GRID1: variants seen among roughly 807,000 people sequenced by gnomAD.
GRID1 encodes glutamate receptor ionotropic, delta-1.
Under a neutral mutation model 98.0 loss-of-function variants are expected in GRID1, and 28 were observed. The observed-to-expected ratio is 0.29, with a 90% CI of 0.21 to 0.39. GRID1 has a LOEUF of 0.39. Among genes scored for constraint, GRID1 ranks in the 10% least tolerant of loss-of-function variants. The probability of loss-of-function intolerance (pLI) is 1.00; values close to 1 mark genes in which losing one functional copy is unlikely to be tolerated. For synonymous variants in GRID1, 553 were observed against 538.5 expected (o/e 1.03, Z -0.37); for missense variants, 1,111 against 1,340.5 (o/e 0.83, Z 2.67).
chr10:86,302,726 A>G (rs1452759040), intron 2 of GRID1, among the ~76,000 whole-genome samples: 1 of 152,216 alleles, frequency 6.6e-6, no homozygotes, highest in African/African-American at 2.4e-5. Flanking sequence ...GAAACATTCT[A>G]CAGGACAACT....
Position 85,599,844 on chromosome 10 carries a change from T to C in GRID1, c.*2429A>G, listed in dbSNP as rs1285336836. ...ATAAACATGGTGAAGAATAACACCATGAGGTGTTAAGGATTTTGTATAAGC... is the reference window on the plus strand; with the variant it reads ...ATAAACATGGTGAAGAATAACACCACGAGGTGTTAAGGATTTTGTATAAGC... On this transcript the variant is annotated 3_prime_UTR_variant, in exon 16 of 16. Coordinates refer to ENST00000327946, the MANE Select transcript of GRID1 (RefSeq NM_017551.3). The C allele has an allele frequency of 7.9e-6, 1 of 127,386 alleles. No homozygotes were observed. Among genetic ancestry groups the C allele is most frequent in the African/African-American group, 3.2e-5 (1 of 31,262 alleles). The allele number at this position is 127,386 out of a possible 1,614,324, so 7.9% of individuals were successfully genotyped here. A position where few individuals can be genotyped will look rare whatever the true frequency, so the allele number is the denominator to read the frequency against.
At chr10:85,657,306 G>GT (rs939974321) in intron 12 of GRID1, among the ~76,000 whole-genome samples, 1 of 152,086 alleles carries the variant, frequency 6.6e-6, no homozygotes, top group Admixed American at 6.6e-5. Context: ...TTGGCTGTTT[G>GT]TTTTTTTGCT....
intron 2 of GRID1, among the ~76,000 whole-genome samples, chr10:86,285,982 G>C (rs773616430): frequency 6.6e-6 from 1 of 152,122 alleles, no homozygotes; most frequent in Non-Finnish European, 1.5e-5. Flanking sequence ...GTGGGTTTAG[G>C]TCTAGAAATT....
At chr10:86,030,564 C>A (rs1293778662) in intron 4 of GRID1, among the ~76,000 whole-genome samples, 1 of 152,206 alleles carries the variant, frequency 6.6e-6, no homozygotes, top group Non-Finnish European at 1.5e-5. Context: ...ACCCTTAGAT[C>A]AACCCCAGGA....
intron 4 of GRID1, among the ~76,000 whole-genome samples, chr10:85,995,223 C>T (rs1842726183): frequency 6.6e-6 from 1 of 152,272 alleles, no homozygotes; most frequent in African/African-American, 2.4e-5. Context: ...TATCACTAGT[C>T]GTGGAACTTT....
chr10:86,230,674 A>C (rs1846437225), intron 2 of GRID1, among the ~76,000 whole-genome samples: 1 of 152,148 alleles, frequency 6.6e-6, no homozygotes, highest in Non-Finnish European at 1.5e-5. Context: ...TATGTGCATA[A>C]GTCTCCTCTG....
At chr10:86,343,498 T>C (rs1848339756) in intron 2 of GRID1, among the ~76,000 whole-genome samples, 1 of 152,240 alleles carries the variant, frequency 6.6e-6, no homozygotes, top group Admixed American at 6.5e-5. Flanking sequence ...AACACATAGG[T>C]ACCATCGCTC....
intron 4 of GRID1, among the ~76,000 whole-genome samples, chr10:86,000,080 T>C (rs1194273035): frequency 1.3e-5 from 2 of 152,196 alleles, no homozygotes; most frequent in Non-Finnish European, 2.9e-5. Context: ...AAAACCTCAA[T>C]TAACTTACAA....
At chr10:85,873,489 T>G (rs994653928) in intron 5 of GRID1, among the ~76,000 whole-genome samples, 1 of 152,242 alleles carries the variant, frequency 6.6e-6, no homozygotes, top group Non-Finnish European at 1.5e-5. Context: ...ATATATCTTA[T>G]GTACAAACAT....
chr10:85,732,786 CTT>C (rs1841840088), intron 8 of GRID1, among the ~76,000 whole-genome samples: 1 of 152,166 alleles, frequency 6.6e-6, no homozygotes, highest in Non-Finnish European at 1.5e-5. Flanking sequence ...AATCCTAAGA[CTT>C]TTCAGCTTGG....
chr10:85,884,900 A>C (rs1295269762), intron 5 of GRID1, among the ~76,000 whole-genome samples: 1 of 152,220 alleles, frequency 6.6e-6, no homozygotes, highest in Non-Finnish European at 1.5e-5. Flanking sequence ...AACAAAAACA[A>C]GTAGAGAAGA....
intron 12 of GRID1, among the ~76,000 whole-genome samples, chr10:85,674,238 A>G (rs1370601247): frequency 6.6e-6 from 1 of 152,202 alleles, no homozygotes; most frequent in East Asian, 1.9e-4. Context: ...CTGTGGGCTC[A>G]TATGTTCTCC....
At chr10:86,143,393 C>A (rs965565175) in intron 3 of GRID1, among the ~76,000 whole-genome samples, 2 of 152,164 alleles carry the variant, frequency 1.3e-5, no homozygotes, top group Admixed American at 1.3e-4. Flanking sequence ...CCCCATCCCC[C>A]CAAAAAACCT....
intron 13 of GRID1, among the ~76,000 whole-genome samples, chr10:85,630,325 C>T (rs1842961473): frequency 6.6e-6 from 1 of 152,118 alleles, no homozygotes; most frequent in African/African-American, 2.4e-5. Flanking sequence ...ATAGCATGCC[C>T]ACCTCACACA....
intron 13 of GRID1, 127 bp downstream of exon 13, chr10:85,647,075 G>A (rs548217275): frequency 3.8e-5 from 28 of 733,962 alleles, no homozygotes; most frequent in Non-Finnish European, 5.7e-5. Context: ...GAACGTGTGC[G>A]ATGGATCGCC....
chr10:86,363,968 T>C lies in GRID1; in HGVS notation c.208A>G (p.Asn70Asp), dbSNP rs1397974338. ...ITYSIKVIEA[N>D]NPFQAVQEAC... ...TCCTGCACAGCCTGGAATGGGTTGT[T>C]GGCCTCGATGACCTTGATGGAGTAG... The change falls in exon 2 of 16, where the codon AAC becomes GAC. Residue 70 changes from asparagine to aspartate, a missense_variant. By Grantham distance (23) the Asn-to-Asp change is conservative. Coordinates refer to ENST00000327946, the MANE Select transcript of GRID1 (RefSeq NM_017551.3). 5.0e-6 allele frequency: 8 copies of C among 1,614,048 alleles called. No individual in the cohort carries two copies. Among genetic ancestry groups the C allele is most frequent in the African/African-American group, 1.3e-5 (1 of 74,944 alleles).
At chr10:86,087,776 T>C (rs1192126259) in intron 4 of GRID1, among the ~76,000 whole-genome samples, 1 of 152,158 alleles carries the variant, frequency 6.6e-6, no homozygotes, top group East Asian at 1.9e-4. Flanking sequence ...ACCACATGGC[T>C]GCTGGCCCAC....
chr10:85,627,249 G>A (rs767887879), intron 13 of GRID1, among the ~76,000 whole-genome samples: 18 of 152,206 alleles, frequency 1.2e-4, no homozygotes, highest in Non-Finnish European at 2.4e-4. Flanking sequence ...TGCTGCCTGT[G>A]CAGACAAGTT....
At chr10:85,729,274 G>A (rs527306843) in intron 9 of GRID1, among the ~76,000 whole-genome samples, 4 of 152,298 alleles carry the variant, frequency 2.6e-5, no homozygotes, top group Admixed American at 1.3e-4. Context: ...TGAATGAGAA[G>A]TCCTTTTCTA....
Sources: gnomAD v4.1 joint callset for allele counts (sites outside exome capture counted in the v4.1 genomes callset) on GRCh38, gnomAD v4.1.1 for gene constraint, MANE v1.5 for transcripts, NCBI Gene and HGNC (gene_info 2026-07-23, HGNC 2026-07-21) for gene names.